The following ADRA1B variants were observed in gnomAD, a reference collection of about 807,000 sequenced individuals.
ADRA1B encodes adrenoceptor alpha 1B, also known as alpha-1B adrenergic receptor.
ADRA1B carries 17 observed loss-of-function variants against 17.9 expected under a neutral mutation model. The observed-to-expected ratio is 0.95, with a 90% confidence interval of 0.65 to 1.42. The LOEUF is 1.42. Among genes scored for constraint, ADRA1B ranks in the 40% most tolerant of loss-of-function variants. The pLI, the probability that ADRA1B is intolerant of heterozygous loss-of-function variation, is 0.00. For synonymous variants in ADRA1B, 366 were observed against 327.6 expected (o/e 1.12, Z -1.27); for missense variants, 681 against 722.1 (o/e 0.94, Z 0.65).
At chr5:159,901,053 A>G (rs1754095196) in intron 1 of ADRA1B, among the ~76,000 whole-genome samples, 1 of 151,898 alleles carries the variant, frequency 6.6e-6, no homozygotes, top group Non-Finnish European at 1.5e-5. Context: ...ATTATTATAT[A>G]TTCATTATAT....
chr5:159,880,255 A>G (rs1029395828), intron 1 of ADRA1B, among the ~76,000 whole-genome samples: 8 of 152,206 alleles, frequency 5.3e-5, no homozygotes, highest in Admixed American at 3.3e-4. Flanking sequence ...TGAGAGCAGC[A>G]TTTCATAAAA....
intron 1 of ADRA1B, among the ~76,000 whole-genome samples, chr5:159,925,231 G>T (rs1283633678): frequency 1.3e-5 from 2 of 152,214 alleles, no homozygotes; most frequent in Non-Finnish European, 2.9e-5. Context: ...AAAAGCATGT[G>T]GCTGCCCGTC....
Position 159,917,040 on chromosome 5 carries a change from C to G in ADRA1B, c.135C>G (p.Ala45=), listed in dbSNP as rs760149827. ...TGCCCCAGCTGGACATCACCAGGGC[C>G]ATCTCTGTGGGCCTGGTGCTGGGCG... ...STLPQLDITR[A]ISVGLVLGAF... The change falls in exon 1 of 2, where the codon GCC becomes GCG. Residue 45 remains alanine, a synonymous_variant. Coordinates refer to ENST00000306675, the MANE Select transcript of ADRA1B (RefSeq NM_000679.4). 2 of 1,614,188 alleles carry G rather than the reference C, an allele frequency of 1.2e-6. No homozygotes were observed. Among genetic ancestry groups the G allele is most frequent in the South Asian group, 2.2e-5 (2 of 91,084 alleles).
intron 1 of ADRA1B, among the ~76,000 whole-genome samples, chr5:159,890,089 G>A (rs756507371): frequency 7.9e-5 from 12 of 152,152 alleles, no homozygotes; most frequent in Non-Finnish European, 1.3e-4. Context: ...CTTGGGCAAC[G>A]GGTGCTTGCC....
intron 1 of ADRA1B, among the ~76,000 whole-genome samples, chr5:159,967,502 C>G (rs1337433672): frequency 6.6e-6 from 1 of 152,158 alleles, no homozygotes; most frequent in Non-Finnish European, 1.5e-5. Context: ...AAGTATTTTA[C>G]ATGGATATTT....
intron 1 of ADRA1B, among the ~76,000 whole-genome samples, chr5:159,911,340 A>C (rs1156916525): frequency 6.6e-6 from 1 of 152,174 alleles, no homozygotes; most frequent in Non-Finnish European, 1.5e-5. Flanking sequence ...ACGAAGGCAT[A>C]AGAGAGAATG....
At chr5:159,957,960 AAAAAG>A (rs1354359440) in intron 1 of ADRA1B, among the ~76,000 whole-genome samples, 8 of 150,396 alleles carry the variant, frequency 5.3e-5, no homozygotes, top group African/African-American at 1.7e-4. Flanking sequence ...AAAGAAAAGA[AAAAAG>A]AAAAGAAAAG....
intron 1 of ADRA1B, chr5:159,865,312 T>C (rs562725007): frequency 1.3e-5 from 2 of 152,152 alleles, no homozygotes; most frequent in Non-Finnish European, 2.9e-5. Flanking sequence ...CACTGTTCCT[T>C]ATGTAATCTT....
intron 1 of ADRA1B, among the ~76,000 whole-genome samples, chr5:159,956,777 T>C (rs1755558036): frequency 1.3e-5 from 2 of 152,216 alleles, no homozygotes; most frequent in Admixed American, 1.3e-4. Context: ...CCGCCCAGAA[T>C]ATATGACAAT....
chr5:159,933,827 A>G (rs548983939), intron 1 of ADRA1B, among the ~76,000 whole-genome samples: 23 of 152,364 alleles, frequency 1.5e-4, no homozygotes, highest in African/African-American at 5.3e-4. Flanking sequence ...AAAATAAAAG[A>G]AAACACTGTT....
the ADRA1B span, among the ~76,000 whole-genome samples, chr5:159,979,952 G>A: frequency 1.3e-5 from 2 of 151,956 alleles, no homozygotes; most frequent in African/African-American, 2.4e-5. Context: ...GGAGAAGATG[G>A]GGCTGGGAAA....
chr5:159,935,283 G>A (rs1002021531), intron 1 of ADRA1B, among the ~76,000 whole-genome samples: 2 of 151,924 alleles, frequency 1.3e-5, no homozygotes, highest in Non-Finnish European at 2.9e-5. Flanking sequence ...TAACATTTAC[G>A]GTCATGTTTC....
At position 159,917,406 on chromosome 5, in the gene ADRA1B, C is replaced by T. The variant is rs146057113; in HGVS notation, c.501C>T (p.Leu167=). 8 of 1,614,050 alleles carry T rather than the reference C, an allele frequency of 5.0e-6. No individual in the cohort carries two copies. The highest frequency in any genetic ancestry group is 6.8e-6 in the Non-Finnish European group (8 of 1,180,046). ...GGAGGAAGGCCATCTTGGCGCTGCT[C>T]AGTGTCTGGGTCTTGTCCACCGTCA... ...VTRRKAILAL[L]SVWVLSTVIS... is the part of the protein sequence containing the mutation. Residue 167 remains leucine, a synonymous_variant, in exon 1 of 2, where the codon CTC becomes CTT. Coordinates refer to ENST00000306675, the MANE Select transcript of ADRA1B (RefSeq NM_000679.4).
At chr5:159,899,642 G>A (rs1476341229) in intron 1 of ADRA1B, among the ~76,000 whole-genome samples, 2 of 152,148 alleles carry the variant, frequency 1.3e-5, no homozygotes, top group East Asian at 1.9e-4. Context: ...CCCCTGAAAT[G>A]GTACAGTCAT....
chr5:159,879,770 C>A (rs756314372), intron 1 of ADRA1B, among the ~76,000 whole-genome samples: 2 of 152,020 alleles, frequency 1.3e-5, no homozygotes, highest in Admixed American at 6.6e-5. Flanking sequence ...CCGAGGCGGG[C>A]GGATCACTTG....
At chr5:159,882,626 G>A (rs75942981) in intron 1 of ADRA1B, among the ~76,000 whole-genome samples, 4,588 of 152,242 alleles carry the variant, frequency 0.03, 84 homozygotes, top group Middle Eastern at 0.071. Flanking sequence ...GCAGCAAAGC[G>A]TCAGGCATTC....
intron 1 of ADRA1B, among the ~76,000 whole-genome samples, chr5:159,872,276 T>C (rs1753753916): frequency 6.6e-6 from 1 of 152,194 alleles, no homozygotes; most frequent in African/African-American, 2.4e-5. Context: ...ATGCAGCTGC[T>C]GCTGGGGACA....
rs964324436 is a variant in ADRA1B at position 159,947,971 on chromosome 5, G to A, written c.950-23908G>A. 1.2e-5 allele frequency: 12 copies of A among 985,290 alleles called. No homozygotes were observed. The African/African-American group carries it at 1.2e-4, about 10-fold the overall frequency. 61.0% of individuals were successfully genotyped at this position (985,290 alleles called of 1,614,324 possible). On this transcript the variant is annotated intron_variant, in intron 1 of 1. Coordinates refer to ENST00000306675, the MANE Select transcript of ADRA1B (RefSeq NM_000679.4). ...CTGTCCCTGGATTCTTTGGCTTTGC[G>A]TCATGAAGGGAATTGATTTGATCAA...
downstream of ADRA1B, among the ~76,000 whole-genome samples, chr5:159,975,197 T>C (rs1185839111): frequency 1.3e-5 from 2 of 152,160 alleles, no homozygotes; most frequent in East Asian, 1.9e-4. Flanking sequence ...GATCAGCCCA[T>C]AGTGGAGTGG....
Sources: allele counts gnomAD v4.1 joint callset (sites outside exome capture counted in the v4.1 genomes callset), GRCh38; gene constraint gnomAD v4.1.1; transcripts MANE v1.5; gene names NCBI Gene and HGNC (gene_info 2026-07-23, HGNC 2026-07-21).